Variants in NUP155 observed in about 807,000 individuals in gnomAD.
NUP155 encodes nuclear pore complex protein Nup155.
NUP155 carries 71 observed loss-of-function variants against 180.4 expected under a neutral mutation model. The ratio of observed to expected loss-of-function variants is 0.39; its 90% CI spans 0.33 to 0.48. NUP155 has a LOEUF of 0.48. Ranked by LOEUF, NUP155 falls within the 20% of genes least tolerant of loss-of-function variation. NUP155 has a pLI of 0.91. For missense variants in NUP155, 1,553 were observed against 1,648.9 expected, an observed-to-expected ratio of 0.94 and a Z score of 1.01; for synonymous variants, 582 against 559.5, an observed-to-expected ratio of 1.04 and a Z score of -0.57.
chr5:37,318,603 C>T (rs1744054519), intron 20 of NUP155, among the ~76,000 whole-genome samples: 1 of 152,040 alleles, frequency 6.6e-6, no homozygotes, highest in East Asian at 1.9e-4. Flanking sequence ...ATGGGGTGCT[C>T]AACCTAAGTA....
In NUP155 at chr5:37,353,287, T is replaced by C. The variant is rs531023393; in HGVS notation, c.464-458A>G. On this transcript the variant is annotated intron_variant, in intron 4 of 34. Coordinates refer to ENST00000231498, the MANE Select transcript of NUP155 (RefSeq NM_153485.3). ...ATACACACACACACACAAAATGGAA[T>C]ACTACTGAACTTTAAAAAGTAAGAA... Among the ~76,000 whole-genome samples the C allele has an allele frequency of 6.6e-5, 10 of 151,836 alleles. No homozygotes were observed. The South Asian group carries it at 1.9e-3, about 28-fold the overall frequency.
intron 11 of NUP155, among the ~76,000 whole-genome samples, 165 bp from the exon 12 acceptor site, chr5:37,338,083 G>A (rs1017759059): frequency 5.3e-5 from 8 of 152,078 alleles, no homozygotes; most frequent in African/African-American, 1.9e-4. Flanking sequence ...CACTTTTGGA[G>A]GATGAGGTGG....
chr5:37,307,575 G>T lies in NUP155; in HGVS notation c.2768-143C>A, dbSNP rs1581139498. The T allele has an allele frequency of 4.9e-6, 4 of 817,142 alleles. No individual in the cohort carries two copies. The East Asian group carries it at 7.9e-5, about 16-fold the overall frequency. 50.6% of individuals were successfully genotyped at this position (817,142 alleles called of 1,614,324 possible). Reference sequence around the variant, plus strand: ...CTGCTAACATAAAATATTTCTGATAGGTCTTCAGAAGGAAAAGGTCTTAAT... The same window carrying T: ...CTGCTAACATAAAATATTTCTGATATGTCTTCAGAAGGAAAAGGTCTTAAT... On this transcript the variant is annotated intron_variant, in intron 24 of 34. Coordinates refer to ENST00000231498, the MANE Select transcript of NUP155 (RefSeq NM_153485.3).
intron 12 of NUP155, among the ~76,000 whole-genome samples, chr5:37,333,865 G>A (rs1745141965): frequency 6.6e-6 from 1 of 151,208 alleles, no homozygotes; most frequent in Non-Finnish European, 1.5e-5. Context: ...GTAGTGGAGT[G>A]ATCTTGGCTC....
intron 9 of NUP155, among the ~76,000 whole-genome samples, chr5:37,343,396 ATAATT>A (rs763815992): frequency 8.3e-4 from 127 of 152,334 alleles, no homozygotes; most frequent in Non-Finnish European, 1.4e-3. Context: ...AATATGCTAA[ATAATT>A]TAAGACTAGC....
At chr5:37,324,925 G>A (rs997497166) in intron 19 of NUP155, among the ~76,000 whole-genome samples, 7 of 152,086 alleles carry the variant, frequency 4.6e-5, no homozygotes, top group Admixed American at 3.3e-4. Flanking sequence ...CGAGGTGGGC[G>A]GATCATTTGA....
At chr5:37,340,024 G>A (rs13184795) in intron 11 of NUP155, among the ~76,000 whole-genome samples, 26,361 of 152,168 alleles carry the variant, frequency 0.17, 2,676 homozygotes, top group East Asian at 0.3. Flanking sequence ...CTCCCGAAGT[G>A]TTGGGCTTAC....
chr5:37,330,636 C>T (rs918030226), intron 14 of NUP155, among the ~76,000 whole-genome samples: 1 of 152,098 alleles, frequency 6.6e-6, no homozygotes, highest in Non-Finnish European at 1.5e-5. Flanking sequence ...TTGAACTACT[C>T]CCAATTTTAA....
intron 32 of NUP155, among the ~76,000 whole-genome samples, chr5:37,296,006 G>T (rs1406658058): frequency 1.4e-5 from 2 of 141,564 alleles, no homozygotes; most frequent in Admixed American, 1.4e-4. Context: ...GGGAGGAGGG[G>T]GGGGTCAGCC....
chr5:37,320,987 A>C (rs1253465488), intron 20 of NUP155, among the ~76,000 whole-genome samples: 2 of 152,220 alleles, frequency 1.3e-5, no homozygotes, highest in East Asian at 3.8e-4. Context: ...AATCCAATAC[A>C]ATAAGGAAAT....
At position 37,310,705 on chromosome 5, in the gene NUP155, A is replaced by T; in HGVS notation, c.2475T>A (p.Asp825Glu). 6.2e-7 allele frequency: 1 copy of T among 1,613,856 alleles called. No homozygotes were observed. Among genetic ancestry groups the T allele is most frequent in the Non-Finnish European group, 8.5e-7 (1 of 1,179,880 alleles). ...QEQLKITTFK[D>E]LVIRDKELTG... ...TGAGTTCTTTGTCCCTGATTACAAGATCTTTAAAGGTGGTGATCTTCAGCT... is the reference window on the plus strand; with the variant it reads ...TGAGTTCTTTGTCCCTGATTACAAGTTCTTTAAAGGTGGTGATCTTCAGCT... The change falls in exon 23 of 35, where the codon GAT becomes GAA. Residue 825 changes from aspartate to glutamate, a missense_variant. By Grantham distance (45) the Asp-to-Glu change is conservative. Coordinates refer to ENST00000231498, the MANE Select transcript of NUP155 (RefSeq NM_153485.3).
In NUP155 at chr5:37,303,283, C is replaced by G; in HGVS notation, c.3294G>C (p.Leu1098=). 6.2e-7 allele frequency: 1 copy of G among 1,614,110 alleles called. No individual in the cohort carries two copies. Among genetic ancestry groups the G allele is most frequent in the Non-Finnish European group, 8.5e-7 (1 of 1,180,008 alleles). Residue 1098 remains leucine (L), a synonymous_variant, in exon 28 of 35, where the codon CTG becomes CTC. Transcript: ENST00000231498. ...ACCTATGCATGTCAGCCAGTCTGGA[C>G]AGTACACGAGCAGCATTACTGAAAC... ...NRSFSNAARV[L]SRLADMHSTE... is the part of the protein sequence containing the mutation.
rs747251520 is a variant in NUP155, at chr5:37,341,121, A to G, written c.1215T>C (p.Pro405=). The change falls in exon 11 of 35, where the codon CCT becomes CCC. Residue 405 remains proline, a synonymous_variant. Coordinates refer to ENST00000231498, the MANE Select transcript of NUP155 (RefSeq NM_153485.3). The part of the protein sequence containing the change: ...GFSASSTVEK[P]SKVHRALYSK... Reference sequence around the variant, plus strand: ...TATAAAGAGCTCTATGTACTTTTGAAGGCTTTTCCACGGTTGAAGATGCTG... The same window carrying G: ...TATAAAGAGCTCTATGTACTTTTGAGGGCTTTTCCACGGTTGAAGATGCTG... 6 of 1,613,724 alleles carry G rather than the reference A, an allele frequency of 3.7e-6. 1 individual carries two copies. In the South Asian group the frequency reaches 6.6e-5, roughly 18 times the overall value.
intron 9 of NUP155, 122 bp from the exon 10 acceptor site, chr5:37,342,768 A>G: frequency 2.9e-6 from 2 of 692,866 alleles, no homozygotes; most frequent in South Asian, 3.1e-5. Flanking sequence ...ATGTAGTCTC[A>G]CTCTGTCACC....
intron 21 of NUP155, among the ~76,000 whole-genome samples, chr5:37,314,830 T>A (rs1743781958): frequency 6.6e-6 from 1 of 151,680 alleles, no homozygotes; most frequent in Non-Finnish European, 1.5e-5. Flanking sequence ...AGACAAAAAA[T>A]TTAAAAGATA....
At chr5:37,339,571 T>G (rs13359358) in intron 11 of NUP155, among the ~76,000 whole-genome samples, 8,313 of 151,958 alleles carry the variant, frequency 0.055, 729 homozygotes, top group African/African-American at 0.18. Context: ...GAAGCTATGG[T>G]GACCCAAGAT....
intron 32 of NUP155, among the ~76,000 whole-genome samples, chr5:37,298,561 C>T (rs563573082): frequency 1.3e-5 from 2 of 152,266 alleles, no homozygotes; most frequent in African/African-American, 4.8e-5. Context: ...AAAACATCAA[C>T]CGTTTTTCTT....
chr5:37,294,377 T>C lies in NUP155; in HGVS notation c.3882A>G (p.Val1294=), dbSNP rs753084697. 5 of 1,606,226 alleles carry C rather than the reference T, an allele frequency of 3.1e-6. No individual in the cohort carries two copies. Among genetic ancestry groups the C allele is most frequent in the South Asian group, 1.1e-5 (1 of 90,866 alleles). ...AAACTTCTAGTAGTCTAGGTAATGG[T>C]ACTCCAATTTCATTCATTGTCTGTA... ...FVIQTMNEIG[V]PLPRLLEVYD... is the part of the protein sequence containing the mutation. Residue 1294 remains valine (V), a synonymous_variant, in exon 33 of 35, where the codon GTA becomes GTG. Coordinates refer to ENST00000231498, the MANE Select transcript of NUP155 (RefSeq NM_153485.3).
At chr5:37,315,871 T>C (rs1057406800) in intron 21 of NUP155, among the ~76,000 whole-genome samples, 1 of 151,966 alleles carries the variant, frequency 6.6e-6, no homozygotes, top group Non-Finnish European at 1.5e-5. Context: ...ACCTGGGAGG[T>C]GGAGGCTGCA....
Sources: allele counts gnomAD v4.1 joint callset (sites outside exome capture counted in the v4.1 genomes callset), GRCh38; gene constraint gnomAD v4.1.1; transcripts MANE v1.5; gene names NCBI Gene and HGNC (gene_info 2026-07-23, HGNC 2026-07-21).